GPR160: variants seen among roughly 807,000 people sequenced by gnomAD.
GPR160 encodes G protein-coupled receptor 160.
Under a neutral mutation model 2.6 loss-of-function variants are expected in GPR160, and 2 were observed. The ratio of observed to expected loss-of-function variants is 0.77; its 90% confidence interval spans 0.32 to 2.44. GPR160 has a LOEUF of 2.44. Ranked by LOEUF, GPR160 falls within the 30% of genes most tolerant of loss-of-function variation. The probability of loss-of-function intolerance (pLI) is 0.11; values close to 1 mark genes in which losing one functional copy is unlikely to be tolerated. For synonymous variants in GPR160, 130 were observed against 132.2 expected (o/e 0.98, Z 0.12); for missense variants, 351 against 383.6 (o/e 0.91, Z 0.71).
chr3:170,041,901 G>A (rs1716468553), intron 2 of GPR160, among the ~76,000 whole-genome samples: 1 of 152,162 alleles, frequency 6.6e-6, no homozygotes, highest in South Asian at 2.1e-4. Flanking sequence ...CTCCTCTGTA[G>A]GAGAGTGGTA....
intron 2 of GPR160, among the ~76,000 whole-genome samples, chr3:170,048,831 C>T (rs750370867): frequency 3.3e-5 from 5 of 152,210 alleles, no homozygotes; most frequent in Admixed American, 6.5e-5. Context: ...CGTGGCCTGT[C>T]GGCTGGCAGC....
chr3:170,069,052 G>A (rs1215741312), intron 2 of GPR160, among the ~76,000 whole-genome samples: 4 of 152,106 alleles, frequency 2.6e-5, no homozygotes, highest in East Asian at 1.9e-4. Flanking sequence ...CTCAACTTCC[G>A]CTATATGTAT....
At chr3:170,079,147 G>C (rs1317559516) in intron 2 of GPR160, among the ~76,000 whole-genome samples, 2 of 152,222 alleles carry the variant, frequency 1.3e-5, no homozygotes, top group African/African-American at 4.8e-5. Flanking sequence ...CTGAATAAAA[G>C]CAAGCAGCTC....
At position 170,039,058 on chromosome 3, in the gene GPR160, C is replaced by T. The variant is rs2287483; in HGVS notation, c.-193+15C>T. 0.13 allele frequency: 19,207 copies of T among 151,698 alleles called. 1,271 individuals are homozygous for T. Among genetic ancestry groups the T allele is most frequent in the Middle Eastern group, 0.18 (54 of 294 alleles). 9.4% of individuals were successfully genotyped at this position (151,698 alleles called of 1,614,324 possible). On this transcript the variant is annotated intron_variant, in intron 2 of 3. Coordinates refer to ENST00000355897, the MANE Select transcript of GPR160 (RefSeq NM_014373.3). The stretch of plus-strand genomic sequence containing the variant: ...AAATGTCTCCGGTAAGGGGAAGTGT[C>T]GCTTAAATCCCAGAGATAACCCCCA...
At chr3:170,066,849 T>C (rs1396975448) in intron 2 of GPR160, among the ~76,000 whole-genome samples, 1 of 152,126 alleles carries the variant, frequency 6.6e-6, no homozygotes, top group East Asian at 1.9e-4. Flanking sequence ...TTTGTAGGAG[T>C]TGCTCCAGTT....
chr3:170,060,181 A>G (rs1711868223), intron 2 of GPR160, among the ~76,000 whole-genome samples: 1 of 152,210 alleles, frequency 6.6e-6, no homozygotes. Context: ...TGACAAGATG[A>G]TTTGGAAAAT....
intron 2 of GPR160, among the ~76,000 whole-genome samples, chr3:170,051,729 A>C (rs1716967797): frequency 6.6e-6 from 1 of 152,218 alleles, no homozygotes; most frequent in African/African-American, 2.4e-5. Flanking sequence ...TGTCTCAAAA[A>C]ATAAAAAAAT....
At chr3:170,064,072 GAAGT>G (rs1559987748) in intron 2 of GPR160, among the ~76,000 whole-genome samples, 1 of 152,130 alleles carries the variant, frequency 6.6e-6, no homozygotes, top group African/African-American at 2.4e-5. Flanking sequence ...CATAGGTCTT[GAAGT>G]GAGTGAAGCG....
intron 2 of GPR160, among the ~76,000 whole-genome samples, chr3:170,061,852 AT>A (rs1214271267): frequency 6.6e-6 from 1 of 151,918 alleles, no homozygotes; most frequent in Non-Finnish European, 1.5e-5. Context: ...ACATTTTCTT[AT>A]TTTTAAATTT....
At chr3:170,079,055 T>C (rs557037558) in intron 2 of GPR160, among the ~76,000 whole-genome samples, 17 of 152,336 alleles carry the variant, frequency 1.1e-4, no homozygotes, top group Admixed American at 7.8e-4. Context: ...TCCGCATGCA[T>C]TACTGCTCCC....
At chr3:170,062,685 A>G in intron 2 of GPR160, 1 of 1,434,508 alleles carries the variant, frequency 7.0e-7, no homozygotes, top group Non-Finnish European at 9.7e-7. Context: ...TAGCCCATCA[A>G]GGGCAAACAG....
At chr3:170,068,196 G>A (rs527564268) in intron 2 of GPR160, among the ~76,000 whole-genome samples, 9 of 152,280 alleles carry the variant, frequency 5.9e-5, no homozygotes, top group Non-Finnish European at 1.2e-4. Flanking sequence ...CCCAGCTGGA[G>A]TGCAGTGGTG....
chr3:170,065,228 CTTTT>C (rs1712263855), intron 2 of GPR160, among the ~76,000 whole-genome samples: 1 of 152,034 alleles, frequency 6.6e-6, no homozygotes, highest in Non-Finnish European at 1.5e-5. Flanking sequence ...CCTTTCTAAA[CTTTT>C]TTGTTTTCCT....
chr3:170,083,886 C>T lies in GPR160; in HGVS notation c.-68-19C>T, dbSNP rs1713266134. 3 of 710,270 alleles carry T rather than the reference C, an allele frequency of 4.2e-6. No individual in the cohort carries two copies. Among genetic ancestry groups the T allele is most frequent in the Non-Finnish European group, 2.2e-6 (1 of 456,582 alleles). The allele number at this position is 710,270 out of a possible 1,614,324, so 44.0% of individuals were successfully genotyped here. ...TCAAAATAGGTAACATTAAGGTTTT[C>T]TTTTCACTTTTTTTGCAGGGACAGA... On this transcript the variant is annotated intron_variant, in intron 3 of 3. Transcript: ENST00000355897.
At chr3:170,060,929 A>G (rs1711906675) in intron 2 of GPR160, among the ~76,000 whole-genome samples, 2 of 152,164 alleles carry the variant, frequency 1.3e-5, no homozygotes, top group Non-Finnish European at 2.9e-5. Context: ...AAACAATTAG[A>G]CAAATCGAGA....
At position 170,084,784 on chromosome 3, in the gene GPR160, C is replaced by T; in HGVS notation, c.812C>T (p.Ala271Val). The change falls in exon 4 of 4, where the codon GCA becomes GTA. Residue 271 changes from alanine (A) to valine (V), a missense_variant. Ala to Val is a moderately conservative substitution (Grantham distance 64). Transcript: ENST00000355897. ...GTTTTACTTAAAGTTCAGATTCCAG[C>T]ATATATTGAGATGAATATTCCCTGG... ...IIVLLKVQIPAYIEMNIPWLY... is the reference protein window; with the variant it reads ...IIVLLKVQIPVYIEMNIPWLY... 6.9e-6 allele frequency: 11 copies of T among 1,601,984 alleles called. No individual in the cohort carries two copies. Among genetic ancestry groups the T allele is most frequent in the Non-Finnish European group, 8.6e-6 (10 of 1,169,442 alleles).
intron 2 of GPR160, among the ~76,000 whole-genome samples, chr3:170,069,206 T>C (rs1011394776): frequency 1.3e-5 from 2 of 152,180 alleles, no homozygotes; most frequent in African/African-American, 4.8e-5. Flanking sequence ...CTGCACTGAG[T>C]CAGGGAAGAG....
rs1389017394 is a variant in GPR160, at chr3:170,038,254, GC to G, written c.-322+41del. 1 of 152,122 alleles carries G rather than the reference GC, an allele frequency of 6.6e-6. No homozygotes were observed. The highest frequency in any genetic ancestry group is 2.4e-5 in the African/African-American group (1 of 41,450). The allele number at this position is 152,122 out of a possible 1,614,324, so 9.4% of individuals were successfully genotyped here. On this transcript the variant is annotated intron_variant, in intron 1 of 3. Transcript: ENST00000355897. This position sits in a 1 kb window ranked among gnomAD's most constrained non-coding sequence, Gnocchi z 5.3. ...CAGGTGGAGGGCGCCCGGCGCTCTC[GC>G]CACCGGCGTCCCAGCCTCGGGGCGG... is the stretch of plus-strand genomic sequence containing the variant.
chr3:170,070,828 T>C (rs1048968730), intron 2 of GPR160, among the ~76,000 whole-genome samples: 4 of 152,262 alleles, frequency 2.6e-5, no homozygotes, highest in Non-Finnish European at 5.9e-5. Flanking sequence ...TTTCCTGCTA[T>C]TGGAGATTTA....
Sources: gnomAD v4.1 joint callset for allele counts (sites outside exome capture counted in the v4.1 genomes callset) on GRCh38, gnomAD v4.1.1 for gene constraint, Gnocchi (gnomAD v3.1) non-coding constraint, MANE v1.5 for transcripts, NCBI Gene and HGNC (gene_info 2026-07-23, HGNC 2026-07-21) for gene names.